VWF: variants seen among roughly 807,000 people sequenced by gnomAD.
VWF encodes Factor VIII related antigen.
Under a neutral mutation model 308.6 loss-of-function variants are expected in VWF, and 176 were observed. The observed-to-expected ratio is 0.57, with a 90% confidence interval of 0.50 to 0.65. The LOEUF is 0.65. Among genes scored for constraint, VWF ranks in the 30% least tolerant of loss-of-function variants. The pLI is 0.00. For missense variants in VWF, 3,146 were observed against 3,648.2 expected, an observed-to-expected ratio of 0.86 and a Z score of 3.55; for synonymous variants, 1,385 against 1,443.4, an observed-to-expected ratio of 0.96 and a Z score of 0.92.
chr12:6,048,921 C>T (rs180796346), intron 16 of VWF, among the ~76,000 whole-genome samples: 9 of 152,284 alleles, frequency 5.9e-5, no homozygotes, highest in African/African-American at 1.7e-4. Context: ...AAATTCCACC[C>T]GCCCCCGTAA....
Position 5,985,555 on chromosome 12 carries a change from A to T in VWF, c.6901+8T>A. 1 of 1,612,548 alleles carries T rather than the reference A, an allele frequency of 6.2e-7. No homozygotes were observed. Among genetic ancestry groups the T allele is most frequent in the African/African-American group, 1.3e-5 (1 of 74,800 alleles). On this transcript the variant is annotated splice_region_variant and intron_variant, in intron 39 of 51. Coordinates refer to ENST00000261405, the MANE Select transcript of VWF (RefSeq NM_000552.5). Reference sequence around the variant, plus strand: ...CCATGAAGGCACCAGGGAGGGGAGGACTCTCACCTTTGGCCGTGGGGCAGG... The same window carrying T: ...CCATGAAGGCACCAGGGAGGGGAGGTCTCTCACCTTTGGCCGTGGGGCAGG...
chr12:5,966,198 G>A (rs1255854246), intron 47 of VWF, among the ~76,000 whole-genome samples: 3 of 152,048 alleles, frequency 2.0e-5, no homozygotes, highest in Admixed American at 6.6e-5. Context: ...CAGGAAAAAG[G>A]GATGCCACAC....
At chr12:6,089,912 G>C (rs2239142) in intron 6 of VWF, among the ~76,000 whole-genome samples, 55,280 of 151,714 alleles carry the variant, frequency 0.36, 12,115 homozygotes, top group Non-Finnish European at 0.49. Flanking sequence ...CAGCACAACT[G>C]TATGTTTGGG....
At chr12:6,080,839 G>A (rs1447110118) in intron 6 of VWF, among the ~76,000 whole-genome samples, 2 of 152,188 alleles carry the variant, frequency 1.3e-5, no homozygotes, top group Admixed American at 6.5e-5. Flanking sequence ...CTGCCTGCGC[G>A]AAGTTCTCAT....
In VWF at chr12:6,022,001, A is replaced by C; in HGVS notation, c.3573T>G (p.Val1191=). ...CACACACTGGACAGTCTTCAGGGTC[A>C]ACGCAGGTCTGCAAAAGCTCATCCA... ...KILDELLQTC[V]DPEDCPVCEV... The change falls in exon 27 of 52, where the codon GTT becomes GTG. Residue 1191 remains valine (V), a synonymous_variant. Coordinates refer to ENST00000261405, the MANE Select transcript of VWF (RefSeq NM_000552.5). 6.2e-7 allele frequency: 1 copy of C among 1,614,186 alleles called. No homozygotes were observed. The highest frequency in any genetic ancestry group is 8.5e-7 in the Non-Finnish European group (1 of 1,180,038).
intron 5 of VWF, among the ~76,000 whole-genome samples, chr12:6,103,415 C>T (rs536299175): frequency 0.024 from 2,656 of 112,952 alleles, 186 homozygotes; most frequent in African/African-American, 0.14. Context: ...TGTATACACA[C>T]GTGTGTGTAT....
intron 6 of VWF, among the ~76,000 whole-genome samples, chr12:6,082,300 T>C (rs1445008903): frequency 7.9e-5 from 12 of 152,226 alleles, no homozygotes; most frequent in Admixed American, 7.2e-4. Flanking sequence ...ATGATGAGCT[T>C]GTTATTTTAA....
intron 10 of VWF, among the ~76,000 whole-genome samples, chr12:6,067,392 C>A (rs1319854419): frequency 6.6e-6 from 1 of 152,188 alleles, no homozygotes; most frequent in Non-Finnish European, 1.5e-5. Context: ...TCTTCTTTAA[C>A]AATACCCAGG....
chr12:6,115,869 C>T (rs1279953870), intron 3 of VWF, among the ~76,000 whole-genome samples: 6 of 152,170 alleles, frequency 3.9e-5, no homozygotes, highest in Admixed American at 3.9e-4. Context: ...AAAACCACCC[C>T]GACTGAGAAC....
chr12:6,020,335 A>G lies in VWF; in HGVS notation c.3675-592T>C, dbSNP rs141416162. Among the ~76,000 whole-genome samples, 9,748 of 152,350 alleles carry G rather than the reference A, an allele frequency of 0.064. 1,017 individuals are homozygous for G. Among genetic ancestry groups the G allele is most frequent in the African/African-American group, 0.22 (9,038 of 41,554 alleles). On this transcript the variant is annotated intron_variant, in intron 27 of 51. Coordinates refer to ENST00000261405, the MANE Select transcript of VWF (RefSeq NM_000552.5). This position sits in a 1 kb window ranked among gnomAD's most constrained non-coding sequence, Gnocchi z 4.3. ...AATAAAGATTCAAAACCCCAGCTTT[A>G]TCTAGCAGAACAAATTATTTGGGAG...
Position 6,016,569 on chromosome 12 carries a change from T to C in VWF, c.5258A>G (p.His1753Arg), listed in dbSNP as rs1944060316. 1 of 1,614,054 alleles carries C rather than the reference T, an allele frequency of 6.2e-7. No individual in the cohort carries two copies. The highest frequency in any genetic ancestry group is 8.5e-7 in the Non-Finnish European group (1 of 1,179,998). Residue 1753 changes from histidine to arginine, a missense_variant, in exon 30 of 52, where the codon CAT becomes CGT. This residue lies in a region of VWF where 853 missense variants were observed against 1,177.8 expected (regional missense o/e 0.72). Coordinates refer to ENST00000261405, the MANE Select transcript of VWF (RefSeq NM_000552.5). Reference sequence around the variant, plus strand: ...CATGACGTCCACAAGGCTCAGCAAATGGGCTTTCTCCGGGACCACGTTCCA... The same window carrying C: ...CATGACGTCCACAAGGCTCAGCAAACGGGCTTTCTCCGGGACCACGTTCCA... The part of the protein sequence containing the change: ...VPWNVVPEKA[H>R]LLSLVDVMQR...
chr12:5,978,335 T>C (rs1362022244), intron 42 of VWF, among the ~76,000 whole-genome samples: 1 of 152,176 alleles, frequency 6.6e-6, no homozygotes. Flanking sequence ...CAATCTCGGC[T>C]CACTGCAACC....
chr12:6,030,554 C>T lies in VWF; in HGVS notation c.2820+890G>A, dbSNP rs1944249465. Among the ~76,000 whole-genome samples, 3 of 152,268 alleles carry T rather than the reference C, an allele frequency of 2.0e-5. No homozygotes were observed. In the South Asian group the frequency reaches 6.2e-4, roughly 32 times the overall value. On this transcript the variant is annotated intron_variant, in intron 21 of 51. Coordinates refer to ENST00000261405, the MANE Select transcript of VWF (RefSeq NM_000552.5). ...ATCCAAAACTGTGGCCTGGGGATGA[C>T]CTGCAACTTTAAACACAGGTTCCTG...
intron 38 of VWF, among the ~76,000 whole-genome samples, chr12:5,988,544 C>A (rs910519260): frequency 6.6e-6 from 1 of 152,196 alleles, no homozygotes; most frequent in Admixed American, 6.5e-5. Flanking sequence ...TTCCAACTAT[C>A]CTGAGAATGG....
At chr12:5,973,821 G>A (rs2239137) in intron 43 of VWF, among the ~76,000 whole-genome samples, 4,945 of 152,232 alleles carry the variant, frequency 0.032, 299 homozygotes, top group East Asian at 0.28. Flanking sequence ...AGGAGCCTAC[G>A]GGTGAGGAGT....
intron 3 of VWF, among the ~76,000 whole-genome samples, chr12:6,119,451 G>A (rs1315349945): frequency 1.3e-5 from 2 of 152,134 alleles, no homozygotes. Flanking sequence ...GCCCCTTCCA[G>A]CCTCCCCACT....
intron 25 of VWF, among the ~76,000 whole-genome samples, chr12:6,023,267 A>G (rs1304256725): frequency 6.6e-6 from 1 of 152,182 alleles, no homozygotes; most frequent in Non-Finnish European, 1.5e-5. Context: ...CCAAAGAAGC[A>G]AGATTCTATA....
At chr12:5,969,861 A>G (rs114443636) in intron 44 of VWF, among the ~76,000 whole-genome samples, 2,314 of 152,260 alleles carry the variant, frequency 0.015, 58 homozygotes, top group African/African-American at 0.054. Context: ...AAGACTGCAC[A>G]TGGGTAGCCT....
chr12:6,112,410 C>A (rs889865930), intron 3 of VWF, among the ~76,000 whole-genome samples: 3 of 151,966 alleles, frequency 2.0e-5, no homozygotes, highest in African/African-American at 4.8e-5. Flanking sequence ...TCAAAAGACC[C>A]AGAAGGGAAA....
Sources: allele counts gnomAD v4.1 joint callset (sites outside exome capture counted in the v4.1 genomes callset), GRCh38; gene constraint gnomAD v4.1.1; regional missense constraint gnomAD v4.1.1; non-coding constraint Gnocchi (gnomAD v3.1); transcripts MANE v1.5; gene names NCBI Gene and HGNC (gene_info 2026-07-23, HGNC 2026-07-21).